The following GABPA variants were observed in gnomAD, a reference collection of about 807,000 sequenced individuals.
GABPA encodes the protein GA binding protein transcription factor subunit alpha, also known as GA-binding protein alpha chain.
Under a neutral mutation model 59.4 loss-of-function variants are expected in GABPA, and 4 were observed. The observed-to-expected ratio is 0.07, with a 90% confidence interval of 0.03 to 0.15. GABPA has a LOEUF of 0.15. Among genes scored for constraint, GABPA ranks in the 10% least tolerant of loss-of-function variants. GABPA has a pLI of 1.00. For synonymous variants in GABPA, 164 were observed against 183.1 expected (o/e 0.90, Z 0.84); for missense variants, 251 against 543.8 (o/e 0.46, Z 5.36).
chr21:25,743,958 C>T (rs2035292434), intron 2 of GABPA, among the ~76,000 whole-genome samples: 1 of 149,316 alleles, frequency 6.7e-6, no homozygotes. Context: ...GCAGGAGAAT[C>T]GCTTGAACTC....
chr21:25,740,723 G>C (rs1357476459), intron 1 of GABPA, among the ~76,000 whole-genome samples: 1 of 152,180 alleles, frequency 6.6e-6, no homozygotes, highest in East Asian at 1.9e-4. Flanking sequence ...ATTTTCTACT[G>C]TGTGTAATCA....
intron 2 of GABPA, among the ~76,000 whole-genome samples, chr21:25,744,196 T>C (rs1473214488): frequency 6.6e-6 from 1 of 151,984 alleles, no homozygotes; most frequent in Non-Finnish European, 1.5e-5. Flanking sequence ...ATTTTATAAA[T>C]TTTAAATGTT....
chr21:25,748,302 G>GCC (rs2035419437), intron 3 of GABPA, among the ~76,000 whole-genome samples: 2 of 152,190 alleles, frequency 1.3e-5, no homozygotes. Flanking sequence ...TCTTGGGAAT[G>GCC]CGAGTAGGAC....
At chr21:25,757,136 T>G (rs986611341) in intron 5 of GABPA, among the ~76,000 whole-genome samples, 1 of 152,200 alleles carries the variant, frequency 6.6e-6, no homozygotes, top group South Asian at 2.1e-4. Flanking sequence ...GAATAGCATT[T>G]ATTTATTGGG....
rs145029575 is a variant in GABPA at position 25,760,029 on chromosome 21, G to A, written c.748+1825G>A. ...GTCTTGTGTATCTTTCCATTTCCAT[G>A]CAGTTGAATGAGTCTTCCTCAGAAA... On this transcript the variant is annotated intron_variant, in intron 6 of 9. Transcript: ENST00000400075. 4.4e-3 allele frequency among the ~76,000 whole-genome samples: 676 copies of A among 152,250 alleles called. 3 individuals carry two copies. The highest frequency in any genetic ancestry group is 7.2e-3 in the Non-Finnish European group (492 of 68,020).
intron 7 of GABPA, chr21:25,763,150 C>A: frequency 2.0e-6 from 1 of 505,010 alleles, no homozygotes; most frequent in Non-Finnish European, 3.8e-6. Flanking sequence ...CCTCATGTTG[C>A]ATTTTCTCTT....
At chr21:25,765,556 C>G (rs1278285175) in intron 9 of GABPA, among the ~76,000 whole-genome samples, 3 of 151,898 alleles carry the variant, frequency 2.0e-5, no homozygotes, top group African/African-American at 7.2e-5. Flanking sequence ...AGCGAGTATT[C>G]ATTGTTACAG....
intron 7 of GABPA, among the ~76,000 whole-genome samples, chr21:25,763,909 T>C (rs147536115): frequency 2.5e-3 from 325 of 131,538 alleles, no homozygotes; most frequent in Non-Finnish European, 4.1e-3. Flanking sequence ...TATGAACAAA[T>C]GTTTTAAGAA....
intron 2 of GABPA, 90 bp from the exon 3 acceptor site, chr21:25,745,120 T>G: frequency 7.2e-7 from 1 of 1,396,468 alleles, no homozygotes; most frequent in Non-Finnish European, 1.0e-6. Flanking sequence ...AGAAATGTGT[T>G]TTGGTTTGGG....
intron 7 of GABPA, 123 bp from the exon 8 acceptor site, chr21:25,764,087 G>A (rs1441108187): frequency 1.2e-5 from 9 of 736,624 alleles, no homozygotes; most frequent in African/African-American, 1.8e-5. Flanking sequence ...GCTTTCTGTA[G>A]TGAAGTACTT....
intron 1 of GABPA, among the ~76,000 whole-genome samples, chr21:25,740,228 G>A (rs1387166112): frequency 6.6e-6 from 1 of 152,206 alleles, no homozygotes; most frequent in Non-Finnish European, 1.5e-5. Context: ...ATTGCTCTAT[G>A]CAAAGCATTT....
intron 2 of GABPA, among the ~76,000 whole-genome samples, chr21:25,742,328 G>C (rs565454167): frequency 4.6e-5 from 7 of 151,618 alleles, no homozygotes; most frequent in African/African-American, 1.7e-4. Flanking sequence ...CCGTGAAGTA[G>C]GAGGTGAGAT....
intron 3 of GABPA, among the ~76,000 whole-genome samples, chr21:25,747,109 C>T (rs534972330): frequency 4.6e-5 from 7 of 152,246 alleles, no homozygotes; most frequent in African/African-American, 1.7e-4. Flanking sequence ...ATAATTTGCC[C>T]AATGTGTGGC....
At position 25,764,204 on chromosome 21, in the gene GABPA, T is replaced by C. The variant is rs1361047877; in HGVS notation, c.803-6T>C. ...AAAAAAAATTTCTCCTTGTCTGTCT[T>C]TGCAGCTGTGCAAATTATTCCAGCA... On this transcript the variant is annotated splice_region_variant and splice_polypyrimidine_tract_variant and intron_variant, in intron 7 of 9. Coordinates refer to ENST00000400075, the MANE Select transcript of GABPA (RefSeq NM_002040.4). The C allele has an allele frequency of 3.8e-6, 6 of 1,582,248 alleles. No individual in the cohort carries two copies. Among genetic ancestry groups the C allele is most frequent in the African/African-American group, 1.4e-5 (1 of 72,956 alleles).
intron 1 of GABPA, among the ~76,000 whole-genome samples, chr21:25,736,047 A>G (rs1264064239): frequency 6.6e-6 from 1 of 152,164 alleles, no homozygotes; most frequent in Non-Finnish European, 1.5e-5. Context: ...AACACACACC[A>G]GAATCATTTA....
chr21:25,751,953 A>G (rs1003961447), intron 4 of GABPA, 36 bp from the exon 5 acceptor site: 3 of 1,600,692 alleles, frequency 1.9e-6, no homozygotes, highest in African/African-American at 1.3e-5. Context: ...CTGCGTTTTC[A>G]TTTAGATTTA....
At chr21:25,741,466 C>G (rs1376436424) in intron 1 of GABPA, 107 bp from the exon 2 acceptor site, 13 of 471,954 alleles carry the variant, frequency 2.8e-5, no homozygotes, top group Non-Finnish European at 4.9e-5. Context: ...CTACTTCCCC[C>G]TCTTCTGCTT....
chr21:25,753,180 T>C (rs555588971), intron 5 of GABPA, among the ~76,000 whole-genome samples: 1 of 152,236 alleles, frequency 6.6e-6, no homozygotes, highest in African/African-American at 2.4e-5. Flanking sequence ...AAAAGCCCAG[T>C]TGGGGAAGTA....
intron 9 of GABPA, 65 bp downstream of exon 9, chr21:25,764,852 T>C (rs967865408): frequency 5.8e-6 from 7 of 1,216,100 alleles, no homozygotes; most frequent in South Asian, 3.5e-5. Flanking sequence ...TAGTTTCTTA[T>C]TCTAGATGTA....
Sources: gnomAD v4.1 joint callset for allele counts (sites outside exome capture counted in the v4.1 genomes callset) on GRCh38, gnomAD v4.1.1 for gene constraint, MANE v1.5 for transcripts, NCBI Gene and HGNC (gene_info 2026-07-23, HGNC 2026-07-21) for gene names.